FAM135B: variants seen among roughly 807,000 people sequenced by gnomAD.
FAM135B encodes protein FAM135B.
In FAM135B, 43 loss-of-function variants were observed where a neutral mutation model predicts 127.7. The observed-to-expected ratio is 0.34, with a 90% confidence interval of 0.26 to 0.43. The LOEUF (loss-of-function observed/expected upper bound fraction) is 0.43, where lower values mean the gene tolerates loss of function less well. FAM135B is among the 20% of genes least tolerant of loss of function. The probability of loss-of-function intolerance (pLI) is 1.00; values close to 1 mark genes in which losing one functional copy is unlikely to be tolerated. For missense variants in FAM135B, 1,558 were observed against 1,725.6 expected (o/e 0.90, Z 1.72); for synonymous variants, 670 against 665.1 (o/e 1.01, Z -0.11).
intron 12 of FAM135B, among the ~76,000 whole-genome samples, chr8:138,154,654 C>T (rs1304521451): frequency 6.6e-6 from 1 of 151,956 alleles, no homozygotes; most frequent in African/African-American, 2.4e-5. Context: ...CATGCACAAG[C>T]TTGAGTAGCC....
chr8:138,370,623 C>T lies in FAM135B; in HGVS notation c.-19-2621G>A, dbSNP rs372549574. 6.6e-4 allele frequency among the ~76,000 whole-genome samples: 101 copies of T among 151,986 alleles called. 3 individuals are homozygous for T. The East Asian group carries it at 0.017, about 25-fold the overall frequency. ...CCACCACCACGCCTGGCTAATTTTT[C>T]GTATTTTTAGTAGAGACGGGGCTTC... is the stretch of plus-strand genomic sequence containing the variant. On this transcript the variant is annotated intron_variant, in intron 1 of 19. Coordinates refer to ENST00000395297, the MANE Select transcript of FAM135B (RefSeq NM_015912.4).
At chr8:138,284,054 T>C (rs1417833082) in intron 3 of FAM135B, among the ~76,000 whole-genome samples, 1 of 151,980 alleles carries the variant, frequency 6.6e-6, no homozygotes, top group African/African-American at 2.4e-5. Context: ...TTCCCCTCAA[T>C]TTTTCAGTCA....
intron 3 of FAM135B, among the ~76,000 whole-genome samples, chr8:138,293,472 G>A (rs543603593): frequency 6.6e-6 from 1 of 152,238 alleles, no homozygotes; most frequent in African/African-American, 2.4e-5. Flanking sequence ...ACAACTTACA[G>A]AATGGGAGAA....
intron 1 of FAM135B, chr8:138,459,130 T>A (rs1271670404): frequency 6.6e-6 from 1 of 152,152 alleles, no homozygotes; most frequent in African/African-American, 2.4e-5. Flanking sequence ...TGATGAAGAA[T>A]GACAGGGATT....
chr8:138,367,835 C>CCTT, intron 2 of FAM135B, 72 bp downstream of exon 2: 1 of 1,185,428 alleles, frequency 8.4e-7, no homozygotes, highest in Non-Finnish European at 1.2e-6. Context: ...CCCACCTCCA[C>CCTT]CTTCTTCCAC....
At chr8:138,312,137 G>C (rs1826732676) in intron 2 of FAM135B, among the ~76,000 whole-genome samples, 1 of 151,926 alleles carries the variant, frequency 6.6e-6, no homozygotes, top group South Asian at 2.1e-4. Flanking sequence ...AGTAGAGACG[G>C]GGTTTCACCA....
At chr8:138,301,324 G>C (rs553707054) in intron 3 of FAM135B, among the ~76,000 whole-genome samples, 2 of 152,098 alleles carry the variant, frequency 1.3e-5, no homozygotes, top group Admixed American at 6.6e-5. Flanking sequence ...AACAGAAAGC[G>C]GTCGTCTTGC....
chr8:138,389,520 C>T (rs868452942), intron 1 of FAM135B, among the ~76,000 whole-genome samples: 3 of 152,132 alleles, frequency 2.0e-5, no homozygotes, highest in South Asian at 2.1e-4. Context: ...CATGTTACAA[C>T]ACAGATGAGC....
At chr8:138,306,429 C>G (rs550616715) in intron 3 of FAM135B, among the ~76,000 whole-genome samples, 1 of 148,212 alleles carries the variant, frequency 6.7e-6, no homozygotes, top group South Asian at 2.2e-4. Context: ...AGCAAGACTC[C>G]GTCTCGAAAA....
chr8:138,388,480 G>A lies in FAM135B; in HGVS notation c.-19-20478C>T, dbSNP rs143147482. 1.8e-3 allele frequency among the ~76,000 whole-genome samples: 268 copies of A among 152,248 alleles called. 1 individual carries two copies. Among genetic ancestry groups the A allele is most frequent in the African/African-American group, 6.1e-3 (255 of 41,544 alleles). ...AGCTTATTCATAACTACCAAAACTCGGAAGCAACTCAAATATCCTTCAGTG... is the reference window on the plus strand; with the variant it reads ...AGCTTATTCATAACTACCAAAACTCAGAAGCAACTCAAATATCCTTCAGTG... On this transcript the variant is annotated intron_variant, in intron 1 of 19. Coordinates refer to ENST00000395297, the MANE Select transcript of FAM135B (RefSeq NM_015912.4).
chr8:138,180,264 TAAGAGAGAACTCAGAGATGAAC>T (rs1423784094), intron 9 of FAM135B, among the ~76,000 whole-genome samples: 1 of 152,146 alleles, frequency 6.6e-6, no homozygotes, highest in Non-Finnish European at 1.5e-5. Context: ...ATGTTTAGAA[TAAGAGAGAACTCAGAGATGAAC>T]AAGAGAGGGT....
Position 138,265,667 on chromosome 8 carries a change from C to T in FAM135B, c.297+36G>A, listed in dbSNP as rs1418396142. ...GAGAGAGAACAGCCATGATAGGGAACAGCTACTTGTGGCTGGTGGTAGATT... is the reference window on the plus strand; with the variant it reads ...GAGAGAGAACAGCCATGATAGGGAATAGCTACTTGTGGCTGGTGGTAGATT... On this transcript the variant is annotated intron_variant, in intron 4 of 19. Coordinates refer to ENST00000395297, the MANE Select transcript of FAM135B (RefSeq NM_015912.4). 2.5e-6 allele frequency: 4 copies of T among 1,611,696 alleles called. No homozygotes were observed. In the South Asian group the frequency reaches 4.4e-5, roughly 18 times the overall value.
chr8:138,179,893 C>T (rs747020234), intron 9 of FAM135B, among the ~76,000 whole-genome samples: 1 of 152,082 alleles, frequency 6.6e-6, no homozygotes, highest in Admixed American at 6.6e-5. Flanking sequence ...GTTGCCCAGG[C>T]TGGTCTCGAA....
chr8:138,254,242 G>A (rs190297411), intron 5 of FAM135B, among the ~76,000 whole-genome samples: 1 of 152,198 alleles, frequency 6.6e-6, no homozygotes, highest in African/African-American at 2.4e-5. Context: ...TAGTTGTTGA[G>A]TTTTACACAC....
At chr8:138,181,247 T>C (rs1815003838) in intron 9 of FAM135B, among the ~76,000 whole-genome samples, 2 of 151,702 alleles carry the variant, frequency 1.3e-5, no homozygotes, top group African/African-American at 4.8e-5. Context: ...TTCAAAAAAA[T>C]AAAGAAGAAA....
chr8:138,226,150 C>T (rs1019801624), intron 7 of FAM135B, among the ~76,000 whole-genome samples: 2 of 133,522 alleles, frequency 1.5e-5, no homozygotes, highest in African/African-American at 2.8e-5. Flanking sequence ...GGGGACCCAC[C>T]GTGTGTGTGT....
chr8:138,146,494 C>A (rs1236721482), intron 14 of FAM135B, among the ~76,000 whole-genome samples: 1 of 152,156 alleles, frequency 6.6e-6, no homozygotes, highest in Non-Finnish European at 1.5e-5. Context: ...AGGTAATCTG[C>A]AAGCCTCCCT....
intron 1 of FAM135B, among the ~76,000 whole-genome samples, chr8:138,435,949 T>C (rs1025799654): frequency 4.6e-5 from 7 of 152,200 alleles, no homozygotes; most frequent in Non-Finnish European, 8.8e-5. Context: ...CTTGTTCTCC[T>C]TGTCTTTTTG....
chr8:138,405,693 T>C lies in FAM135B; in HGVS notation c.-19-37691A>G, dbSNP rs570304832. Among the ~76,000 whole-genome samples, 28 of 152,298 alleles carry C rather than the reference T, an allele frequency of 1.8e-4. No individual in the cohort carries two copies. The South Asian group carries it at 5.8e-3, about 32-fold the overall frequency. On this transcript the variant is annotated intron_variant, in intron 1 of 19. Transcript: ENST00000395297. Reference sequence around the variant, plus strand: ...AAACATACGTGTGTATGTGTCTTTATAGCAACATGATTTATAGTCCTTTGG... The same window carrying C: ...AAACATACGTGTGTATGTGTCTTTACAGCAACATGATTTATAGTCCTTTGG...
Sources: gnomAD v4.1 joint callset for allele counts (sites outside exome capture counted in the v4.1 genomes callset) on GRCh38, gnomAD v4.1.1 for gene constraint, MANE v1.5 for transcripts, NCBI Gene and HGNC (gene_info 2026-07-23, HGNC 2026-07-21) for gene names.